Variants in TNIK observed in about 807,000 individuals in gnomAD.
TNIK encodes TRAF2 and NCK interacting kinase.
A neutral mutation model predicts 191.3 loss-of-function variants in TNIK; 49 were observed. The ratio of observed to expected loss-of-function variants is 0.26; its 90% confidence interval spans 0.20 to 0.32. The LOEUF (loss-of-function observed/expected upper bound fraction) is 0.32, where lower values mean the gene tolerates loss of function less well. Ranked by LOEUF, TNIK falls within the 10% of genes least tolerant of loss-of-function variation. The pLI is 1.00. For synonymous variants in TNIK, 594 were observed against 600.9 expected, an observed-to-expected ratio of 0.99 and a Z score of 0.17; for missense variants, 1,155 against 1,702.3, an observed-to-expected ratio of 0.68 and a Z score of 5.66.
At chr3:171,188,283 T>C (rs911582342) in intron 7 of TNIK, among the ~76,000 whole-genome samples, 3 of 152,142 alleles carry the variant, frequency 2.0e-5, no homozygotes, top group Non-Finnish European at 4.4e-5. Context: ...TCGAGCATTG[T>C]AGAAGTAAGT....
At chr3:171,281,936 G>A (rs1261250053) in intron 2 of TNIK, among the ~76,000 whole-genome samples, 1 of 152,156 alleles carries the variant, frequency 6.6e-6, no homozygotes, top group Non-Finnish European at 1.5e-5. Flanking sequence ...AGTTGAGCCT[G>A]ACTGAATTAG....
At chr3:171,432,281 T>A (rs1264266919) in intron 1 of TNIK, among the ~76,000 whole-genome samples, 1 of 151,912 alleles carries the variant, frequency 6.6e-6, no homozygotes, top group Non-Finnish European at 1.5e-5. Context: ...AAAAGACGGA[T>A]ACAAAAATAA....
intron 21 of TNIK, among the ~76,000 whole-genome samples, chr3:171,106,344 G>A (rs1724880986): frequency 6.6e-6 from 1 of 152,182 alleles, no homozygotes; most frequent in Admixed American, 6.5e-5. Context: ...GTGAGGTTAT[G>A]AGACTAGTCT....
At chr3:171,331,578 A>AAGAT (rs1423589655) in intron 2 of TNIK, among the ~76,000 whole-genome samples, 1 of 152,230 alleles carries the variant, frequency 6.6e-6, no homozygotes, top group Non-Finnish European at 1.5e-5. Flanking sequence ...TCAAGGAGGA[A>AAGAT]AGATGAATAA....
At chr3:171,383,121 C>G (rs964453017) in intron 1 of TNIK, among the ~76,000 whole-genome samples, 1 of 152,196 alleles carries the variant, frequency 6.6e-6, no homozygotes, top group Admixed American at 6.5e-5. Flanking sequence ...TCCTCACTGT[C>G]TCCCATGTGC....
intron 22 of TNIK, among the ~76,000 whole-genome samples, chr3:171,100,956 A>ATGAT (rs1382109516): frequency 6.6e-6 from 1 of 152,150 alleles, no homozygotes; most frequent in Non-Finnish European, 1.5e-5. Flanking sequence ...CTTTCTCTGC[A>ATGAT]TGATTATCTG....
chr3:171,058,505 C>T lies in TNIK; in HGVS notation c.*5376G>A, dbSNP rs1717535280. ...TACCATGTGGGGAAACCTATCAAAG[C>T]ATTTTTAATGACTGCTTAGAATAAC... On this transcript the variant is annotated 3_prime_UTR_variant, in exon 33 of 33. Coordinates refer to ENST00000436636, the MANE Select transcript of TNIK (RefSeq NM_015028.4). Among the ~76,000 whole-genome samples the T allele has an allele frequency of 6.6e-6, 1 of 152,138 alleles. No homozygotes were observed.
intron 10 of TNIK, among the ~76,000 whole-genome samples, chr3:171,162,633 T>C (rs1380768246): frequency 6.6e-6 from 1 of 152,114 alleles, no homozygotes; most frequent in Non-Finnish European, 1.5e-5. Flanking sequence ...AGGGAAGGAA[T>C]ATTTAGTGGG....
chr3:171,177,121 T>C (rs78131216), intron 8 of TNIK, among the ~76,000 whole-genome samples: 73 of 151,748 alleles, frequency 4.8e-4, no homozygotes, highest in African/African-American at 1.6e-3. Context: ...TTTTTTTTTT[T>C]CTAATAAAAA....
rs1720787368 is a variant in TNIK at position 171,082,236 on chromosome 3, A to T, written c.3313+15T>A. On this transcript the variant is annotated intron_variant, in intron 27 of 32. Transcript: ENST00000436636. ...GCTGTATGGACCTGGGGGACTCATC[A>T]TCTTAGTAACATACCTGAAATTGTC... 6.2e-7 allele frequency: 1 copy of T among 1,610,220 alleles called. No homozygotes were observed.
intron 1 of TNIK, among the ~76,000 whole-genome samples, chr3:171,401,101 A>T (rs1026669496): frequency 6.6e-6 from 1 of 152,158 alleles, no homozygotes; most frequent in Non-Finnish European, 1.5e-5. Context: ...ATGAGAGCAG[A>T]TCTAGTCCTG....
intron 2 of TNIK, among the ~76,000 whole-genome samples, chr3:171,290,020 C>T (rs1577366701): frequency 6.6e-6 from 1 of 152,006 alleles, no homozygotes; most frequent in Non-Finnish European, 1.5e-5. Flanking sequence ...TATTCCTCTG[C>T]ACAGTGGAAA....
intron 2 of TNIK, among the ~76,000 whole-genome samples, chr3:171,360,832 G>T (rs1365739108): frequency 2.6e-5 from 4 of 152,152 alleles, no homozygotes; most frequent in African/African-American, 9.7e-5. Context: ...CCACAGATTT[G>T]GCTCTGCTCT....
At chr3:171,172,480 CT>C (rs1735420755) in intron 9 of TNIK, among the ~76,000 whole-genome samples, 1 of 152,104 alleles carries the variant, frequency 6.6e-6, no homozygotes, top group African/African-American at 2.4e-5. Context: ...AAAGTAAACC[CT>C]AACTTACTTC....
At chr3:171,262,918 G>T (rs530426561) in intron 2 of TNIK, among the ~76,000 whole-genome samples, 1 of 152,160 alleles carries the variant, frequency 6.6e-6, no homozygotes, top group Non-Finnish European at 1.5e-5. Context: ...CATTGGAGGT[G>T]TCTGGAAAAT....
intron 1 of TNIK, among the ~76,000 whole-genome samples, chr3:171,426,216 A>T (rs13072776): frequency 0.78 from 117,580 of 151,528 alleles, 46,022 homozygotes; most frequent in African/African-American, 0.88. Context: ...CATGGAATAC[A>T]ATGCAGCCAT....
In TNIK at chr3:171,084,190, C is replaced by T. The variant is rs774179426; in HGVS notation, c.3134G>A (p.Arg1045Gln). 5.0e-6 allele frequency: 8 copies of T among 1,611,244 alleles called. No individual in the cohort carries two copies. Among genetic ancestry groups the T allele is most frequent in the Admixed American group, 1.7e-5 (1 of 59,828 alleles). Residue 1045 changes from arginine to glutamine, a missense_variant, in exon 26 of 33, where the codon CGA becomes CAA. Arg to Gln is a conservative substitution (Grantham distance 43). Coordinates refer to ENST00000436636, the MANE Select transcript of TNIK (RefSeq NM_015028.4). ...TGCACAAAGTATTTCTGAGTTGAAT[C>T]GTTTCTTGTATTTTCTGATTTCTGG... The part of the protein sequence containing the change: ...DTPEIRKYKK[R>Q]FNSEILCAAL...
intron 21 of TNIK, among the ~76,000 whole-genome samples, chr3:171,104,446 C>T (rs1414549241): frequency 6.8e-6 from 1 of 147,198 alleles, no homozygotes; most frequent in Non-Finnish European, 1.5e-5. Flanking sequence ...TGCTATTTAG[C>T]ATGAAAATAT....
chr3:171,149,152 G>A (rs146805439), intron 12 of TNIK, among the ~76,000 whole-genome samples: 36 of 147,782 alleles, frequency 2.4e-4, no homozygotes, highest in African/African-American at 7.8e-4. Context: ...GAATAACTAA[G>A]AAGACTGTGA....
Sources: gnomAD v4.1 joint callset for allele counts (sites outside exome capture counted in the v4.1 genomes callset) on GRCh38, gnomAD v4.1.1 for gene constraint, MANE v1.5 for transcripts, NCBI Gene and HGNC (gene_info 2026-07-23, HGNC 2026-07-21) for gene names.